Variants in PTGFRN observed in about 807,000 individuals in gnomAD.
PTGFRN encodes prostaglandin F2 receptor negative regulator.
In PTGFRN, 35 loss-of-function variants were observed where a neutral mutation model predicts 83.2. The ratio of observed to expected loss-of-function variants is 0.42; its 90% CI spans 0.32 to 0.56. PTGFRN has a LOEUF of 0.56. Among genes scored for constraint, PTGFRN ranks in the 20% least tolerant of loss-of-function variants. The pLI is 0.11. For missense variants in PTGFRN, 1,051 were observed against 1,179.5 expected (o/e 0.89, Z 1.60); for synonymous variants, 519 against 498.6 (o/e 1.04, Z -0.55).
chr1:116,961,807 C>A lies in PTGFRN; in HGVS notation c.1639+139C>A. 1 of 849,204 alleles carries A rather than the reference C, an allele frequency of 1.2e-6. No individual in the cohort carries two copies. The highest frequency in any genetic ancestry group is 1.8e-6 in the Non-Finnish European group (1 of 561,386). The allele number at this position is 849,204 out of a possible 1,614,324, so 52.6% of individuals were successfully genotyped here. On this transcript the variant is annotated intron_variant, in intron 5 of 8. Transcript: ENST00000393203. The surrounding 1 kb of genome is among the most constrained non-coding windows in gnomAD (Gnocchi z 5.4). ...TCCTGGACATTGATCGCCATGCGACCCGTTGCACATGCTCTTTGGACTCAC... is the reference window on the plus strand; with the variant it reads ...TCCTGGACATTGATCGCCATGCGACACGTTGCACATGCTCTTTGGACTCAC...
intron 7 of PTGFRN, 69 bp from the exon 8 acceptor site, chr1:116,984,611 T>C (rs762908022): frequency 4.4e-5 from 65 of 1,485,556 alleles, no homozygotes; most frequent in Non-Finnish European, 5.8e-5. Context: ...GCCTCATACA[T>C]GGATGTGGCC....
intron 7 of PTGFRN, 69 bp downstream of exon 7, chr1:116,974,392 G>A: frequency 8.3e-7 from 1 of 1,204,894 alleles, no homozygotes; most frequent in Non-Finnish European, 1.2e-6. Context: ...CATCCGCACT[G>A]TGTTACACAG....
At chr1:116,963,257 TC>T (rs1411900176) in intron 5 of PTGFRN, among the ~76,000 whole-genome samples, 10 of 152,216 alleles carry the variant, frequency 6.6e-5, no homozygotes, top group African/African-American at 2.4e-4. Context: ...TCTGTTTATT[TC>T]CCCACTCTCC....
intron 6 of PTGFRN, among the ~76,000 whole-genome samples, chr1:116,970,909 G>A (rs936863839): frequency 6.6e-5 from 10 of 152,158 alleles, no homozygotes; most frequent in African/African-American, 2.4e-4. Flanking sequence ...CCTACTGAGT[G>A]CTGGGTTTTA....
At chr1:116,986,305 GA>G (rs1236084241) in intron 8 of PTGFRN, among the ~76,000 whole-genome samples, 2 of 152,168 alleles carry the variant, frequency 1.3e-5, no homozygotes, top group Admixed American at 1.3e-4. Flanking sequence ...TTCCTTGCTT[GA>G]AGTAACTCCG....
rs1260248404 is a variant in PTGFRN at position 116,989,173 on chromosome 1, CGAT to C, written c.*2208_*2210del. ...CATGGACTGAGTCACAGCAGACACT[CGAT>C]GGTGGTAAATGTGATGGGTGCTTAC... On this transcript the variant is annotated 3_prime_UTR_variant, in exon 9 of 9. Transcript: ENST00000393203. 17 of 152,296 alleles carry C rather than the reference CGAT, an allele frequency of 1.1e-4. No individual in the cohort carries two copies. The East Asian group carries it at 3.3e-3, about 29-fold the overall frequency. The allele number at this position is 152,296 out of a possible 1,614,324, so 9.4% of individuals were successfully genotyped here.
At chr1:116,959,913 C>A (rs187110470) in intron 4 of PTGFRN, among the ~76,000 whole-genome samples, 45 of 151,628 alleles carry the variant, frequency 3.0e-4, no homozygotes, top group African/African-American at 1.0e-3. Context: ...GAGGCAGTTG[C>A]AGTGAACTGA....
In PTGFRN at chr1:116,961,210, T is replaced by C; in HGVS notation, c.1214-33T>C. ...ATTCTTGCCATGTTACTCTAATTAT[T>C]TTCCTATCCTGGCCTTTCTGTCTCT... On this transcript the variant is annotated intron_variant, in intron 4 of 8. Coordinates refer to ENST00000393203, the MANE Select transcript of PTGFRN (RefSeq NM_020440.4). The surrounding 1 kb of genome is among the most constrained non-coding windows in gnomAD (Gnocchi z 5.4). 4 of 1,494,300 alleles carry C rather than the reference T, an allele frequency of 2.7e-6. No individual in the cohort carries two copies. The highest frequency in any genetic ancestry group is 3.6e-6 in the Non-Finnish European group (4 of 1,121,988). 92.6% of individuals were successfully genotyped at this position (1,494,300 alleles called of 1,614,324 possible).
At position 116,957,610 on chromosome 1, in the gene PTGFRN, A is replaced by T. The variant is rs191199894; in HGVS notation, c.1214-3633A>T. ...AACATATCCATTACCTCACATACCT[A>T]TAATTTTTTGTGCTGAGAATGTCGA... On this transcript the variant is annotated intron_variant, in intron 4 of 8. Transcript: ENST00000393203. 2.0e-5 allele frequency among the ~76,000 whole-genome samples: 3 copies of T among 152,286 alleles called. No individual in the cohort carries two copies. The East Asian group carries it at 5.8e-4, about 29-fold the overall frequency.
At chr1:116,966,241 C>T (rs1650826521) in intron 5 of PTGFRN, among the ~76,000 whole-genome samples, 1 of 152,216 alleles carries the variant, frequency 6.6e-6, no homozygotes, top group Non-Finnish European at 1.5e-5. Context: ...CCACTTAAAC[C>T]TAAAGTTAGC....
intron 1 of PTGFRN, among the ~76,000 whole-genome samples, chr1:116,940,398 A>G (rs760325084): frequency 2.6e-5 from 4 of 152,046 alleles, no homozygotes; most frequent in African/African-American, 4.8e-5. Flanking sequence ...TGTGTGTCCA[A>G]ATTACCCACT....
intron 1 of PTGFRN, among the ~76,000 whole-genome samples, chr1:116,913,211 T>C (rs1474437779): frequency 6.6e-6 from 1 of 152,076 alleles, no homozygotes; most frequent in Non-Finnish European, 1.5e-5. Flanking sequence ...AAGGGGATGA[T>C]TAATTTTGAC....
rs976880934 is a variant in PTGFRN, at chr1:116,945,526, C to T, written c.832+434C>T. On this transcript the variant is annotated intron_variant, in intron 3 of 8. Coordinates refer to ENST00000393203, the MANE Select transcript of PTGFRN (RefSeq NM_020440.4). ...GAGTCCTTTGACGTGCCTTTCTCTG[C>T]AGCTGTTGGAGTGTGTGCCTGGCTC... Among the ~76,000 whole-genome samples, 15 of 152,140 alleles carry T rather than the reference C, an allele frequency of 9.9e-5. No individual in the cohort carries two copies. In the South Asian group the frequency reaches 1.0e-3, roughly 10 times the overall value.
chr1:116,910,830 G>A (rs1205966142), intron 1 of PTGFRN, among the ~76,000 whole-genome samples: 2 of 152,288 alleles, frequency 1.3e-5, no homozygotes, highest in East Asian at 3.9e-4. Context: ...CATTTTCGTC[G>A]TGGCTAGATC....
At position 116,942,226 on chromosome 1, in the gene PTGFRN, C is replaced by A. The variant is rs12136635; in HGVS notation, c.418+143C>A. 518 of 1,228,068 alleles carry A rather than the reference C, an allele frequency of 4.2e-4. 2 individuals are homozygous for A. The highest frequency in any genetic ancestry group is 5.5e-4 in the Non-Finnish European group (495 of 899,038). 76.1% of individuals were successfully genotyped at this position (1,228,068 alleles called of 1,614,324 possible). ...GGGGAATAATCATGTCTTAAATAAT[C>A]ATGTCTTAAAATTTAAAAATCATTG... is the stretch of plus-strand genomic sequence containing the variant. On this transcript the variant is annotated intron_variant, in intron 2 of 8. Transcript: ENST00000393203.
rs10923191 is a variant in PTGFRN at position 116,989,289 on chromosome 1, A to G, written c.*2322A>G. The stretch of plus-strand genomic sequence containing the variant: ...ACCTCCACCCACCTGCCCCATGTCC[A>G]CTGGGCTGCCCAAGCTGCATGTCAC... On this transcript the variant is annotated 3_prime_UTR_variant, in exon 9 of 9. Transcript: ENST00000393203. 0.49 allele frequency: 74,616 copies of G among 152,210 alleles called. 19,226 individuals are homozygous for G. Among genetic ancestry groups the G allele is most frequent in the East Asian group, 0.66 (3,442 of 5,178 alleles). The allele number at this position is 152,210 out of a possible 1,614,324, so 9.4% of individuals were successfully genotyped here. A position where few individuals can be genotyped will look rare whatever the true frequency, so the allele number is the denominator to read the frequency against.
intron 1 of PTGFRN, among the ~76,000 whole-genome samples, chr1:116,921,920 C>T (rs1304760649): frequency 6.6e-6 from 1 of 152,022 alleles, no homozygotes; most frequent in Admixed American, 6.5e-5. Context: ...AAATGCATTT[C>T]AGGTATGAAA....
chr1:116,932,839 G>A (rs2998186), intron 1 of PTGFRN, among the ~76,000 whole-genome samples: 22,383 of 152,082 alleles, frequency 0.15, 2,879 homozygotes, highest in African/African-American at 0.35. Context: ...AACGAAATCC[G>A]ACCTATCTTT....
chr1:116,925,426 C>G (rs1489733316), intron 1 of PTGFRN, among the ~76,000 whole-genome samples: 1 of 136,336 alleles, frequency 7.3e-6, no homozygotes, highest in African/African-American at 3.3e-5. Context: ...GACTCCCTCT[C>G]AAAAAAAAGA....
Sources: gnomAD v4.1 joint callset for allele counts (sites outside exome capture counted in the v4.1 genomes callset) on GRCh38, gnomAD v4.1.1 for gene constraint, Gnocchi (gnomAD v3.1) non-coding constraint, MANE v1.5 for transcripts, NCBI Gene and HGNC (gene_info 2026-07-23, HGNC 2026-07-21) for gene names.